Variants in SLAMF1 observed in about 807,000 individuals in gnomAD.
SLAMF1 encodes the protein signaling lymphocytic activation molecule.
In SLAMF1, 18 loss-of-function variants were observed where a neutral mutation model predicts 35.1. The ratio of observed to expected loss-of-function variants is 0.51; its 90% CI spans 0.35 to 0.76. SLAMF1 has a LOEUF of 0.76. Among genes scored for constraint, SLAMF1 ranks in the 30% least tolerant of loss-of-function variants. SLAMF1 has a pLI of 0.01. For missense variants in SLAMF1, 392 were observed against 413.0 expected (o/e 0.95, Z 0.44); for synonymous variants, 168 against 157.2 (o/e 1.07, Z -0.51).
At chr1:160,645,702 G>T (rs922107683) in intron 1 of SLAMF1, among the ~76,000 whole-genome samples, 8 of 152,092 alleles carry the variant, frequency 5.3e-5, no homozygotes, top group African/African-American at 1.9e-4. Context: ...TCTGAGCCCC[G>T]AGCTCAGTTC....
At chr1:160,621,781 G>A (rs1659620690) in intron 4 of SLAMF1, among the ~76,000 whole-genome samples, 1 of 151,880 alleles carries the variant, frequency 6.6e-6, no homozygotes, top group South Asian at 2.1e-4. Context: ...GTGGGTATGA[G>A]CACGGTGTGC....
chr1:160,614,606 A>G (rs994396212), intron 5 of SLAMF1, among the ~76,000 whole-genome samples: 3 of 151,416 alleles, frequency 2.0e-5, no homozygotes, highest in Non-Finnish European at 4.4e-5. Flanking sequence ...AGAGACCTTT[A>G]TCAACAGATG....
chr1:160,646,757 G>C (rs1661057217), intron 1 of SLAMF1, 113 bp downstream of exon 1: 2 of 664,116 alleles, frequency 3.0e-6, no homozygotes, highest in Admixed American at 2.1e-5. Context: ...CAGTCCCTAA[G>C]GAAGAGTGAC....
At chr1:160,623,382 C>T (rs1215033557) in intron 4 of SLAMF1, 6 of 393,684 alleles carry the variant, frequency 1.5e-5, no homozygotes, top group African/African-American at 6.2e-5. Context: ...ATATGCAAAA[C>T]CAACATCAGA....
At chr1:160,627,087 T>C (rs1200513509) in intron 3 of SLAMF1, among the ~76,000 whole-genome samples, 2 of 152,222 alleles carry the variant, frequency 1.3e-5, no homozygotes, top group Admixed American at 6.5e-5. Context: ...TGGAGCCAGA[T>C]AGATAAGTTC....
Position 160,631,098 on chromosome 1 carries a change from A to G in SLAMF1, c.700+3515T>C, listed in dbSNP as rs868204114. On this transcript the variant is annotated intron_variant, in intron 3 of 6. Coordinates refer to ENST00000302035, the MANE Select transcript of SLAMF1 (RefSeq NM_003037.5). ...GATCATGTCTTTTTTATCTTTGTGT[A>G]CTGGCCCCTAGCACAATGTAGAGTG... Among the ~76,000 whole-genome samples, 7 of 152,308 alleles carry G rather than the reference A, an allele frequency of 4.6e-5. 1 individual carries two copies. The Middle Eastern group carries it at 0.02, about 444-fold the overall frequency.
intron 3 of SLAMF1, among the ~76,000 whole-genome samples, chr1:160,634,178 A>T (rs1405539826): frequency 6.6e-6 from 1 of 152,232 alleles, no homozygotes; most frequent in Non-Finnish European, 1.5e-5. Flanking sequence ...GAGAGATCAC[A>T]TATCATATTT....
intron 1 of SLAMF1, among the ~76,000 whole-genome samples, chr1:160,644,862 TC>T (rs1464694696): frequency 6.6e-6 from 1 of 152,002 alleles, no homozygotes; most frequent in Non-Finnish European, 1.5e-5. Context: ...TCCCTCACCT[TC>T]CCCCAAAGTG....
At chr1:160,635,670 C>T (rs1047993681) in intron 2 of SLAMF1, among the ~76,000 whole-genome samples, 2 of 149,900 alleles carry the variant, frequency 1.3e-5, no homozygotes, top group African/African-American at 4.9e-5. Context: ...CTCCTGGGTT[C>T]ACGCCATTCT....
chr1:160,645,099 G>A (rs762751907), intron 1 of SLAMF1, among the ~76,000 whole-genome samples: 18 of 152,146 alleles, frequency 1.2e-4, no homozygotes, highest in African/African-American at 3.9e-4. Flanking sequence ...AAATCTCATC[G>A]GGGGAAATGA....
chr1:160,626,762 A>G (rs1025517370), intron 3 of SLAMF1, among the ~76,000 whole-genome samples: 1 of 152,030 alleles, frequency 6.6e-6, no homozygotes, highest in Admixed American at 6.6e-5. Flanking sequence ...TTTGACTCAA[A>G]CCTTTTGAGT....
intron 4 of SLAMF1, among the ~76,000 whole-genome samples, chr1:160,620,648 T>C (rs1659561704): frequency 6.6e-6 from 1 of 152,128 alleles, no homozygotes; most frequent in Non-Finnish European, 1.5e-5. Context: ...CCCAATTTCA[T>C]TCCCAAAAGA....
chr1:160,639,228 AT>A (rs887755158), intron 1 of SLAMF1, among the ~76,000 whole-genome samples: 52 of 148,518 alleles, frequency 3.5e-4, no homozygotes, highest in East Asian at 1.2e-3. Context: ...TCCAAACTCA[AT>A]TTTTTTTTTT....
Position 160,642,393 on chromosome 1 carries a change from G to A in SLAMF1, c.76+4477C>T, listed in dbSNP as rs1229717112. 6.6e-6 allele frequency among the ~76,000 whole-genome samples: 1 copy of A among 152,100 alleles called. No homozygotes were observed. The highest frequency in any genetic ancestry group is 1.5e-5 in the Non-Finnish European group (1 of 68,020). ...AAGACTTTCCTGACTCCTGACTTAGGTTGGGTTTTCCTGTCACAGACTTCC... is the reference window on the plus strand; with the variant it reads ...AAGACTTTCCTGACTCCTGACTTAGATTGGGTTTTCCTGTCACAGACTTCC... On this transcript the variant is annotated intron_variant, in intron 1 of 6. Coordinates refer to ENST00000302035, the MANE Select transcript of SLAMF1 (RefSeq NM_003037.5). The surrounding 1 kb of genome is among the most constrained non-coding windows in gnomAD (Gnocchi z 4.2).
intron 1 of SLAMF1, 117 bp from the exon 2 acceptor site, chr1:160,637,646 G>A: frequency 1.4e-6 from 1 of 711,008 alleles, no homozygotes; most frequent in Non-Finnish European, 2.3e-6. Flanking sequence ...CTATCCCTGG[G>A]GTTGCCAAGT....
intron 3 of SLAMF1, 99 bp from the exon 4 acceptor site, chr1:160,624,284 T>G (rs1226575504): frequency 1.2e-6 from 1 of 863,824 alleles, no homozygotes; most frequent in African/African-American, 1.7e-5. Flanking sequence ...GTTCTATTTC[T>G]GCATTCTCTC....
At chr1:160,617,995 C>T (rs929695378) in intron 5 of SLAMF1, among the ~76,000 whole-genome samples, 1 of 152,128 alleles carries the variant, frequency 6.6e-6, no homozygotes, top group Non-Finnish European at 1.5e-5. Flanking sequence ...ATCACTTGAA[C>T]CCAGGAGGCG....
At chr1:160,629,789 G>A (rs1660073561) in intron 3 of SLAMF1, among the ~76,000 whole-genome samples, 1 of 152,188 alleles carries the variant, frequency 6.6e-6, no homozygotes, top group South Asian at 2.1e-4. Context: ...CCTTATAGCG[G>A]GTGTGGCCCA....
At chr1:160,644,650 A>G (rs1223725792) in intron 1 of SLAMF1, among the ~76,000 whole-genome samples, 1 of 152,218 alleles carries the variant, frequency 6.6e-6, no homozygotes, top group Admixed American at 6.5e-5. Flanking sequence ...GCTGAATGGG[A>G]TCATTCAAAG....
Sources: gnomAD v4.1 joint callset for allele counts (sites outside exome capture counted in the v4.1 genomes callset) on GRCh38, gnomAD v4.1.1 for gene constraint, Gnocchi (gnomAD v3.1) non-coding constraint, MANE v1.5 for transcripts, NCBI Gene and HGNC (gene_info 2026-07-23, HGNC 2026-07-21) for gene names.